METTL6: variants seen among roughly 807,000 people sequenced by gnomAD.
METTL6 encodes methyltransferase 6, tRNA N3-cytidine.
METTL6 carries 22 observed loss-of-function variants against 26.4 expected under a neutral mutation model. The observed-to-expected ratio is 0.83, with a 90% CI of 0.59 to 1.19. The LOEUF (loss-of-function observed/expected upper bound fraction) is 1.19. Ranked by LOEUF, METTL6 falls within the 50% of genes most tolerant of loss-of-function variation. METTL6 has a pLI of 0.00. For missense variants in METTL6, 304 were observed against 324.8 expected, an observed-to-expected ratio of 0.94 and a Z score of 0.49; for synonymous variants, 109 against 116.2, an observed-to-expected ratio of 0.94 and a Z score of 0.40.
At chr3:15,412,822 CAAG>C (rs556249069) in intron 5 of METTL6, among the ~76,000 whole-genome samples, 1 of 152,080 alleles carries the variant, frequency 6.6e-6, no homozygotes, top group South Asian at 2.1e-4. Context: ...TATTTCATTT[CAAG>C]AAGAAAAATG....
At chr3:15,414,227 T>TTA in intron 4 of METTL6, 65 bp from the exon 5 acceptor site, 1 of 1,548,722 alleles carries the variant, frequency 6.5e-7, no homozygotes, top group Non-Finnish European at 8.7e-7. Context: ...CCTGATTAAG[T>TTA]TAGGACTTAA....
At chr3:15,386,954 G>C (rs781002224) in intron 6 of METTL6, among the ~76,000 whole-genome samples, 2 of 151,728 alleles carry the variant, frequency 1.3e-5, no homozygotes, top group African/African-American at 4.9e-5. Flanking sequence ...CACTACGCCC[G>C]GCTAATTTTG....
At chr3:15,412,473 CATTTTGTTTT>C (rs1478473918) in intron 5 of METTL6, among the ~76,000 whole-genome samples, 3 of 149,102 alleles carry the variant, frequency 2.0e-5, no homozygotes, top group Non-Finnish European at 4.5e-5. Flanking sequence ...GATAATTTTG[CATTTTGTTTT>C]GTTTTGTTTT....
chr3:15,382,768 C>T (rs1336303785), exon 7 of METTL6: 6 of 151,672 alleles, frequency 4.0e-5, no homozygotes, highest in Admixed American at 3.9e-4. Context: ...ATCACATAAA[C>T]CCCATACAAC....
At chr3:15,402,727 T>G (rs564488959) in intron 6 of METTL6, among the ~76,000 whole-genome samples, 7 of 137,782 alleles carry the variant, frequency 5.1e-5, no homozygotes, top group African/African-American at 2.0e-4. Flanking sequence ...CAGAGTGAGA[T>G]TCCATCTCAA....
chr3:15,401,775 G>A (rs886127637), intron 6 of METTL6, among the ~76,000 whole-genome samples: 1 of 152,028 alleles, frequency 6.6e-6, no homozygotes, highest in Non-Finnish European at 1.5e-5. Context: ...TACCCTATAT[G>A]GTCTTAAGTG....
chr3:15,406,105 A>AT (rs762185172), downstream of METTL6, among the ~76,000 whole-genome samples: 1 of 151,892 alleles, frequency 6.6e-6, no homozygotes, highest in Admixed American at 6.6e-5. Context: ...TATATAGGAT[A>AT]TTTTAATATA....
intron 6 of METTL6, among the ~76,000 whole-genome samples, chr3:15,387,267 C>T (rs142432091): frequency 2.6e-5 from 4 of 152,314 alleles, no homozygotes; most frequent in Admixed American, 6.5e-5. Flanking sequence ...GCCTAACTAC[C>T]GATTCTAACA....
intron 2 of METTL6, among the ~76,000 whole-genome samples, chr3:15,425,658 C>G (rs964404983): frequency 2.0e-5 from 3 of 152,182 alleles, no homozygotes; most frequent in African/African-American, 7.2e-5. Flanking sequence ...TGACTATTCA[C>G]AGGCACAAGC....
chr3:15,416,786 T>A (rs1385394297), intron 3 of METTL6, among the ~76,000 whole-genome samples: 1 of 152,208 alleles, frequency 6.6e-6, no homozygotes, highest in Admixed American at 6.5e-5. Flanking sequence ...AGAAAAACAT[T>A]AAACTTCTAT....
chr3:15,387,789 T>C (rs552848860), intron 6 of METTL6, among the ~76,000 whole-genome samples: 4 of 151,842 alleles, frequency 2.6e-5, no homozygotes, highest in South Asian at 2.1e-4. Flanking sequence ...AGAGATTAGC[T>C]TGTAAATCGT....
At chr3:15,394,288 G>T (rs1699427448) in intron 6 of METTL6, among the ~76,000 whole-genome samples, 1 of 152,176 alleles carries the variant, frequency 6.6e-6, no homozygotes, top group African/African-American at 2.4e-5. Context: ...TTTGCATAGA[G>T]GTGTTTATAG....
intron 6 of METTL6, among the ~76,000 whole-genome samples, chr3:15,402,105 G>C (rs1456703402): frequency 6.6e-6 from 1 of 152,036 alleles, no homozygotes; most frequent in Admixed American, 6.6e-5. Flanking sequence ...GATAGAGCCA[G>C]ATCGGGACCT....
At chr3:15,406,028 C>A (rs946313779), downstream of METTL6, among the ~76,000 whole-genome samples, 1 of 151,444 alleles carries the variant, frequency 6.6e-6, no homozygotes, top group South Asian at 2.1e-4. Flanking sequence ...TATATACACA[C>A]GCACACACAC....
At chr3:15,399,942 G>T (rs1202297615) in intron 6 of METTL6, among the ~76,000 whole-genome samples, 1 of 152,096 alleles carries the variant, frequency 6.6e-6, no homozygotes, top group African/African-American at 2.4e-5. Context: ...TTTTGTGAAA[G>T]AAATTTATGA....
chr3:15,423,348 G>A (rs1411396629), intron 3 of METTL6, among the ~76,000 whole-genome samples: 2 of 152,172 alleles, frequency 1.3e-5, no homozygotes, highest in East Asian at 1.9e-4. Flanking sequence ...AGCTGAGATT[G>A]CACCACTGCA....
intron 6 of METTL6, among the ~76,000 whole-genome samples, chr3:15,386,639 G>C (rs573494959): frequency 1.3e-5 from 2 of 152,228 alleles, no homozygotes; most frequent in East Asian, 3.9e-4. Flanking sequence ...ATGCTAAGTT[G>C]AGGTGTGTTT....
intron 3 of METTL6, among the ~76,000 whole-genome samples, chr3:15,419,560 A>G (rs1042811971): frequency 6.6e-6 from 1 of 152,216 alleles, no homozygotes; most frequent in African/African-American, 2.4e-5. Context: ...TGTCCAAAAG[A>G]TTGGTAAATA....
chr3:15,394,266 T>A (rs1479071579), intron 6 of METTL6, among the ~76,000 whole-genome samples: 1 of 152,228 alleles, frequency 6.6e-6, no homozygotes, highest in East Asian at 1.9e-4. Context: ...TTCTTCCAGA[T>A]TTTCTAGTTT....
Sources: gnomAD v4.1 joint callset for allele counts (sites outside exome capture counted in the v4.1 genomes callset) on GRCh38, gnomAD v4.1.1 for gene constraint, MANE v1.5 for transcripts, NCBI Gene and HGNC (gene_info 2026-07-23, HGNC 2026-07-21) for gene names.